SLC23A3: variants seen among roughly 807,000 people sequenced by gnomAD.
The protein encoded by SLC23A3 is solute carrier family 23 member 3, also known as E2-binding protein 3.
Under a neutral mutation model 64.7 loss-of-function variants are expected in SLC23A3, and 41 were observed. The ratio of observed to expected loss-of-function variants is 0.63; its 90% CI spans 0.49 to 0.82. The LOEUF is 0.82. Ranked by LOEUF, SLC23A3 falls within the 40% of genes least tolerant of loss-of-function variation. SLC23A3 has a pLI of 0.00. For synonymous variants in SLC23A3, 281 were observed against 306.8 expected (o/e 0.92, Z 0.88); for missense variants, 647 against 733.4 (o/e 0.88, Z 1.36).
At chr2:219,168,137 G>A in intron 6 of SLC23A3, 58 bp downstream of exon 6, 1 of 1,596,846 alleles carries the variant, frequency 6.3e-7, no homozygotes, top group Non-Finnish European at 8.5e-7. Context: ...AGGGGATGGA[G>A]TGAGCACTCC....
rs1394974362 is a variant in SLC23A3, at chr2:219,165,343, G to C, written c.993C>G (p.Ser331=). 2 of 1,551,398 alleles carry C rather than the reference G, an allele frequency of 1.3e-6. No homozygotes were observed. Among genetic ancestry groups the C allele is most frequent in the African/African-American group, 2.7e-5 (2 of 73,060 alleles). The part of the protein sequence containing the change: ...ISMALAASTS[S]LGCYALCGRL... ...GGCCACACAGGGCATAGCAGCCCAG[G>C]GAACTGGTGGAGGCTGCCAAGGCCA... The change falls in exon 8 of 12, where the codon TCC becomes TCG. Residue 331 remains serine (S), a synonymous_variant. Transcript: ENST00000409878.
Position 219,170,018 on chromosome 2 carries a change from G to A in SLC23A3, c.-34C>T, listed in dbSNP as rs549968063. On this transcript the variant is annotated 5_prime_UTR_variant, in exon 1 of 12. Coordinates refer to ENST00000409878, the MANE Select transcript of SLC23A3 (RefSeq NM_001144889.2). ...GCCTTTCGCTTTGTCTTGGCTGCCCGGGACCAGAGTTAAGTAGAGAGAGTA... is the reference window on the plus strand; with the variant it reads ...GCCTTTCGCTTTGTCTTGGCTGCCCAGGACCAGAGTTAAGTAGAGAGAGTA... The A allele has an allele frequency of 2.6e-5, 42 of 1,608,680 alleles. No homozygotes were observed. The East Asian group carries it at 5.6e-4, about 21-fold the overall frequency.
At chr2:219,165,684 C>T (rs1949998986) in intron 7 of SLC23A3, among the ~76,000 whole-genome samples, 1 of 152,148 alleles carries the variant, frequency 6.6e-6, no homozygotes, top group African/African-American at 2.4e-5. Context: ...GCCACACTGG[C>T]CTTGTTGTAG....
chr2:219,163,770 C>A (rs554596670), intron 9 of SLC23A3, among the ~76,000 whole-genome samples: 3 of 152,296 alleles, frequency 2.0e-5, no homozygotes, highest in East Asian at 3.9e-4. Flanking sequence ...TCTCGGCTCA[C>A]TGCAACCTCC....
chr2:219,163,671 ATTTTTGTTTTTTTTGTT>A (rs1949972716), intron 9 of SLC23A3, 116 bp from the exon 10 acceptor site: 3 of 1,111,992 alleles, frequency 2.7e-6, no homozygotes, highest in Non-Finnish European at 3.9e-6. Context: ...CAAGAGAATG[ATTTTTGTTTTTTTTGTT>A]TTTTTGTTTT....
chr2:219,162,147 T>C lies in SLC23A3; in HGVS notation c.1595A>G (p.Glu532Gly). 6.2e-7 allele frequency: 1 copy of C among 1,613,704 alleles called. No homozygotes were observed. The highest frequency in any genetic ancestry group is 1.1e-5 in the South Asian group (1 of 91,034). ...QGLPSPFTAQEARMPQKPREK... is the reference protein window; with the variant it reads ...QGLPSPFTAQGARMPQKPREK... ...CCTGGGCTTCTGAGGCATTCGAGCC[T>C]CTTGGGCAGTGAAAGGAGATGGTAG... Residue 532 changes from glutamate (E) to glycine (G), a missense_variant, in exon 12 of 12, where the codon GAG becomes GGG. Physicochemically the swap from Glu to Gly is moderately conservative, Grantham distance 98 (BLOSUM62 -2). Transcript: ENST00000409878.
At position 219,169,374 on chromosome 2, in the gene SLC23A3, A is replaced by C; in HGVS notation, c.353T>G (p.Phe118Cys). 1 of 1,614,188 alleles carries C rather than the reference A, an allele frequency of 6.2e-7. No individual in the cohort carries two copies. Among genetic ancestry groups the C allele is most frequent in the Non-Finnish European group, 8.5e-7 (1 of 1,180,026 alleles). Reference protein sequence around the residue: ...LPLVQAPSLEFLIPALVLTSQ... With the variant: ...LPLVQAPSLECLIPALVLTSQ... ...GGTCAGCACCAGAGCAGGGATAAGG[A>C]ACTCTAAGGATGGAGCCTGGACAAG... The change falls in exon 3 of 12, where the codon TTC (phenylalanine) becomes TGC (cysteine). Residue 118 changes from phenylalanine to cysteine, a missense_variant. Physicochemically the swap from Phe to Cys is radical, Grantham distance 205 (BLOSUM62 -2). Coordinates refer to ENST00000409878, the MANE Select transcript of SLC23A3 (RefSeq NM_001144889.2). This position sits in a 1 kb window ranked among gnomAD's most constrained non-coding sequence, Gnocchi z 4.5.
At position 219,168,710 on chromosome 2, in the gene SLC23A3, G is replaced by T. The variant is rs773833657; in HGVS notation, c.616C>A (p.Leu206Ile). Reference sequence around the variant, plus strand: ...TGGGCTACCTCCCTGTGGGCAGAGAGCCCTGCCACAACCAGGCTGGGAGCC... The same window carrying T: ...TGGGCTACCTCCCTGTGGGCAGAGATCCCTGCCACAACCAGGCTGGGAGCC... ...VLAPSLVVAG[L>I]SAHREVAQFC... is the part of the protein sequence containing the mutation. Residue 206 changes from leucine to isoleucine, a missense_variant, in exon 5 of 12, where the codon CTC (leucine) becomes ATC (isoleucine). Coordinates refer to ENST00000409878, the MANE Select transcript of SLC23A3 (RefSeq NM_001144889.2). 1 of 1,613,616 alleles carries T rather than the reference G, an allele frequency of 6.2e-7. No homozygotes were observed.
Position 219,168,063 on chromosome 2 carries a change from A to G in SLC23A3, c.799-19T>C, listed in dbSNP as rs753189750. 5.1e-6 allele frequency: 8 copies of G among 1,567,450 alleles called. No homozygotes were observed. In the African/African-American group the frequency reaches 8.3e-5, roughly 16 times the overall value. ...TCAGCACCTGAGGGGCGAGACTGAG[A>G]AAAGAACTCCTCCCCCAGAACCTTC... is the stretch of plus-strand genomic sequence containing the variant. On this transcript the variant is annotated intron_variant, in intron 6 of 11. Coordinates refer to ENST00000409878, the MANE Select transcript of SLC23A3 (RefSeq NM_001144889.2).
chr2:219,169,329 G>T lies in SLC23A3; in HGVS notation c.398C>A (p.Ala133Asp), dbSNP rs1453162787. The change falls in exon 3 of 12, where the codon GCC becomes GAC. Residue 133 changes from alanine to aspartate, a missense_variant. Ala to Asp is a moderately radical substitution (Grantham distance 126, BLOSUM62 -2). Coordinates refer to ENST00000409878, the MANE Select transcript of SLC23A3 (RefSeq NM_001144889.2). This position sits in a 1 kb window ranked among gnomAD's most constrained non-coding sequence, Gnocchi z 4.5. ...CTCACAGTTTCCAGGTGTCTGGATG[G>T]CCCGGGGTAGCTTCTGGCTGGTCAG... is the stretch of plus-strand genomic sequence containing the variant. ...LVLTSQKLPR[A>D]IQTPGNSSLM... 1 of 1,614,204 alleles carries T rather than the reference G, an allele frequency of 6.2e-7. No homozygotes were observed. Among genetic ancestry groups the T allele is most frequent in the Admixed American group, 1.7e-5 (1 of 60,026 alleles).
chr2:219,163,578 A>C (rs746379621), intron 9 of SLC23A3, 23 bp from the exon 10 acceptor site: 38 of 1,613,578 alleles, frequency 2.4e-5, no homozygotes, highest in Middle Eastern at 1.6e-4. Flanking sequence ...GAAGAAATCA[A>C]GGGGGTCAGG....
intron 8 of SLC23A3, chr2:219,164,581 A>G (rs1328369235): frequency 9.3e-6 from 4 of 428,948 alleles, no homozygotes; most frequent in Non-Finnish European, 1.3e-5. Context: ...ATTTTTTGAG[A>G]TGGAGTCTCG....
intron 10 of SLC23A3, 67 bp from the exon 11 acceptor site, chr2:219,162,461 C>T: frequency 8.8e-7 from 1 of 1,138,830 alleles, no homozygotes; most frequent in Non-Finnish European, 1.3e-6. Flanking sequence ...GAGTCTTACC[C>T]TCCCAGACCT....
chr2:219,169,033 T>G lies in SLC23A3; in HGVS notation c.488A>C (p.Gln163Pro), dbSNP rs1487534024. 1 of 1,613,884 alleles carries G rather than the reference T, an allele frequency of 6.2e-7. No individual in the cohort carries two copies. Among genetic ancestry groups the G allele is most frequent in the African/African-American group, 1.3e-5 (1 of 74,992 alleles). ...HGLGHWNTSL[Q>P]EVSGAVVVSG... ...TTCTCACCTCCAGATACCCACCTCC[T>G]GGAGAGAAGTGTTCCAGTGCCCCAG... The change falls in exon 4 of 12, where the codon CAG becomes CCG. Residue 163 changes from glutamine to proline, a missense_variant. Coordinates refer to ENST00000409878, the MANE Select transcript of SLC23A3 (RefSeq NM_001144889.2). The surrounding 1 kb of genome is among the most constrained non-coding windows in gnomAD (Gnocchi z 4.5).
In SLC23A3 at chr2:219,169,412, G is replaced by C; in HGVS notation, c.321-6C>G. On this transcript the variant is annotated splice_region_variant and splice_polypyrimidine_tract_variant and intron_variant, in intron 2 of 11. Coordinates refer to ENST00000409878, the MANE Select transcript of SLC23A3 (RefSeq NM_001144889.2). The surrounding 1 kb of genome is among the most constrained non-coding windows in gnomAD (Gnocchi z 4.5). ...GAGCCTGGACAAGAGGCAGCCTGTA[G>C]GAACAGCAGCCCCAGCAGGTCTGGG... 6.2e-7 allele frequency: 1 copy of C among 1,614,192 alleles called. No individual in the cohort carries two copies. Among genetic ancestry groups the C allele is most frequent in the East Asian group, 2.2e-5 (1 of 44,872 alleles).
chr2:219,162,070 G>T lies in SLC23A3; in HGVS notation c.1672C>A (p.Pro558Thr). The T allele has an allele frequency of 6.2e-7, 1 of 1,614,224 alleles. No homozygotes were observed. The highest frequency in any genetic ancestry group is 8.5e-7 in the Non-Finnish European group (1 of 1,180,042). The change falls in exon 12 of 12, where the codon CCC becomes ACC. Residue 558 changes from proline to threonine, a missense_variant. Transcript: ENST00000409878. ...RLPFPIQNLCPCIPQPLHCLC... is the reference protein window; with the variant it reads ...RLPFPIQNLCTCIPQPLHCLC... The stretch of plus-strand genomic sequence containing the variant: ...CAGTGGAGAGGCTGGGGGATGCAGG[G>T]ACAGAGGTTTTGGATGGGGAAAGGA...
At chr2:219,164,104 A>G (rs1483207270) in intron 9 of SLC23A3, 129 bp downstream of exon 9, 1 of 652,700 alleles carries the variant, frequency 1.5e-6, no homozygotes, top group Non-Finnish European at 2.7e-6. Flanking sequence ...ATATCCATCC[A>G]TCCATCCATC....
chr2:219,169,503 C>T lies in SLC23A3; in HGVS notation c.320+18G>A. 6.2e-7 allele frequency: 1 copy of T among 1,613,958 alleles called. No homozygotes were observed. Among genetic ancestry groups the T allele is most frequent in the Non-Finnish European group, 8.5e-7 (1 of 1,179,924 alleles). The stretch of plus-strand genomic sequence containing the variant: ...CCCTCCAGGACTCTGCCCCTCTCTC[C>T]AGGGAGGTTCCTCTCACCTGCTGCC... On this transcript the variant is annotated intron_variant, in intron 2 of 11. Coordinates refer to ENST00000409878, the MANE Select transcript of SLC23A3 (RefSeq NM_001144889.2). This position sits in a 1 kb window ranked among gnomAD's most constrained non-coding sequence, Gnocchi z 4.5.
At chr2:219,165,883 C>T (rs911096174) in intron 7 of SLC23A3, among the ~76,000 whole-genome samples, 2 of 152,234 alleles carry the variant, frequency 1.3e-5, no homozygotes, top group Admixed American at 6.5e-5. Flanking sequence ...CCTGTAATCC[C>T]AGCACTTTGG....
Sources: gnomAD v4.1 joint callset for allele counts (sites outside exome capture counted in the v4.1 genomes callset) on GRCh38, gnomAD v4.1.1 for gene constraint, Gnocchi (gnomAD v3.1) non-coding constraint, MANE v1.5 for transcripts, NCBI Gene and HGNC (gene_info 2026-07-23, HGNC 2026-07-21) for gene names.